AGAP1: variants seen among roughly 807,000 people sequenced by gnomAD.
AGAP1 encodes the protein ArfGAP with GTPase domain, ankyrin repeat and PH domain 1.
Under a neutral mutation model 105.3 loss-of-function variants are expected in AGAP1, and 29 were observed. That is an observed-to-expected ratio of 0.28 (90% CI 0.21 to 0.38). AGAP1 has a LOEUF of 0.38. Ranked by LOEUF, AGAP1 falls within the 10% of genes least tolerant of loss-of-function variation. The pLI, the probability that AGAP1 is intolerant of heterozygous loss-of-function variation, is 1.00. For synonymous variants in AGAP1, 509 were observed against 485.9 expected (o/e 1.05, Z -0.63); for missense variants, 998 against 1,165.1 (o/e 0.86, Z 2.09).
In AGAP1 at chr2:235,559,114, G is replaced by A. The variant is rs576006638; in HGVS notation, c.163+64265G>A. 9.9e-5 allele frequency among the ~76,000 whole-genome samples: 15 copies of A among 152,166 alleles called. No individual in the cohort carries two copies. The South Asian group carries it at 1.9e-3, about 19-fold the overall frequency. ...ATATTTTGTATTCGTGTGTGTGTAGGTGGGGTCTTGCCATGTTGCCCAGGC... is the reference window on the plus strand; with the variant it reads ...ATATTTTGTATTCGTGTGTGTGTAGATGGGGTCTTGCCATGTTGCCCAGGC... On this transcript the variant is annotated intron_variant, in intron 1 of 17. Transcript: ENST00000304032. This position sits in a 1 kb window ranked among gnomAD's most constrained non-coding sequence, Gnocchi z 5.7.
rs114114725 is a variant in AGAP1, at chr2:236,031,585, G to A, written c.1646-4976G>A. On this transcript the variant is annotated intron_variant, in intron 13 of 17. Transcript: ENST00000304032. ...TGCAAGGGCCCTCCCAATCATGTGT[G>A]AGACGCTGAATTCCCACCAGTCTCC... 4.5e-3 allele frequency among the ~76,000 whole-genome samples: 681 copies of A among 152,248 alleles called. 6 individuals carry two copies. Among genetic ancestry groups the A allele is most frequent in the African/African-American group, 0.015 (632 of 41,544 alleles).
chr2:235,711,728 T>G (rs1246794938), intron 2 of AGAP1, among the ~76,000 whole-genome samples: 1 of 152,012 alleles, frequency 6.6e-6, no homozygotes, highest in South Asian at 2.1e-4. Flanking sequence ...TGCTGAGGAG[T>G]GCTCAGGGAC....
intron 1 of AGAP1, among the ~76,000 whole-genome samples, chr2:235,497,630 T>C (rs1276452390): frequency 6.6e-6 from 1 of 152,250 alleles, no homozygotes; most frequent in Non-Finnish European, 1.5e-5. Context: ...GGAGTCTCGC[T>C]CTGTCGCCCA....
At chr2:235,589,738 C>A (rs1471159185) in intron 1 of AGAP1, among the ~76,000 whole-genome samples, 5 of 151,984 alleles carry the variant, frequency 3.3e-5, no homozygotes, top group Admixed American at 3.3e-4. Context: ...TTGGAGGAAG[C>A]AGTGGTCATT....
chr2:235,732,344 C>G lies in AGAP1; in HGVS notation c.311-8619C>G, dbSNP rs1194472405. 6.6e-6 allele frequency among the ~76,000 whole-genome samples: 1 copy of G among 152,162 alleles called. No individual in the cohort carries two copies. Among genetic ancestry groups the G allele is most frequent in the African/African-American group, 2.4e-5 (1 of 41,436 alleles). On this transcript the variant is annotated intron_variant, in intron 3 of 17. Transcript: ENST00000304032. This position sits in a 1 kb window ranked among gnomAD's most constrained non-coding sequence, Gnocchi z 4.8. ...AGCTTTCAGCCTTGTCTCTTCTGCT[C>G]CTTACTTTTTCTAATTTTATTCATC...
rs2149441103 is a variant in AGAP1 at position 235,691,136 on chromosome 2, C to T, written c.164-18043C>T. ...GAGGTGAGGCCAGCAAGGAGTCTGC[C>T]CCATGCGATTCTGAGGCCTTGGTCC... is the stretch of plus-strand genomic sequence containing the variant. On this transcript the variant is annotated intron_variant, in intron 1 of 17. Transcript: ENST00000304032. This position sits in a 1 kb window ranked among gnomAD's most constrained non-coding sequence, Gnocchi z 4.4. Among the ~76,000 whole-genome samples, 1 of 152,282 alleles carries T rather than the reference C, an allele frequency of 6.6e-6. No individual in the cohort carries two copies. The highest frequency in any genetic ancestry group is 2.1e-4 in the South Asian group (1 of 4,826).
At chr2:236,094,923 CAAAAAAAAAAAA>C (rs59126473) in intron 16 of AGAP1, among the ~76,000 whole-genome samples, 12 of 37,792 alleles carry the variant, frequency 3.2e-4, no homozygotes, top group African/African-American at 5.1e-4. Flanking sequence ...CCCATCTCTA[CAAAAAAAAAAAA>C]AAAAAAAAAA....
At chr2:235,613,222 CT>C (rs2149258119) in intron 1 of AGAP1, among the ~76,000 whole-genome samples, 1 of 152,172 alleles carries the variant, frequency 6.6e-6, no homozygotes, top group East Asian at 1.9e-4. Context: ...TCTTGAACTC[CT>C]GGCCTCAAGT....
intron 12 of AGAP1, among the ~76,000 whole-genome samples, chr2:235,945,911 T>C (rs1016273484): frequency 3.0e-5 from 1 of 33,028 alleles, no homozygotes; most frequent in South Asian, 1.2e-3. Context: ...GGGGGCGATA[T>C]GGGGGGACTT....
At chr2:236,021,573 C>T (rs1055764837) in intron 13 of AGAP1, among the ~76,000 whole-genome samples, 5 of 152,188 alleles carry the variant, frequency 3.3e-5, no homozygotes, top group Non-Finnish European at 1.5e-5. Context: ...AATCACCGCA[C>T]GTGCCTATCG....
rs546474612 is a variant in AGAP1, at chr2:235,664,972, G to A, written c.164-44207G>A. On this transcript the variant is annotated intron_variant, in intron 1 of 17. Coordinates refer to ENST00000304032, the MANE Select transcript of AGAP1 (RefSeq NM_001037131.3). This position sits in a 1 kb window ranked among gnomAD's most constrained non-coding sequence, Gnocchi z 5.7. Reference sequence around the variant, plus strand: ...ATGGTGGCTCACGCCTGTAATCCCAGCACTTTAGGAGGCCAAGATGGGAGA... The same window carrying A: ...ATGGTGGCTCACGCCTGTAATCCCAACACTTTAGGAGGCCAAGATGGGAGA... Among the ~76,000 whole-genome samples the A allele has an allele frequency of 9.8e-5, 15 of 152,302 alleles. No individual in the cohort carries two copies. Among genetic ancestry groups the A allele is most frequent in the South Asian group, 8.3e-4 (4 of 4,824 alleles).
chr2:235,768,273 A>T, intron 6 of AGAP1, among the ~76,000 whole-genome samples: 1 of 152,350 alleles, frequency 6.6e-6, no homozygotes. Context: ...TTCAATTTCT[A>T]TATTTGTAAA....
intron 16 of AGAP1, among the ~76,000 whole-genome samples, chr2:236,117,056 T>C (rs1472636939): frequency 6.6e-6 from 1 of 152,234 alleles, no homozygotes; most frequent in Admixed American, 6.5e-5. Flanking sequence ...ATTGTGCTGC[T>C]ATAAACGTGT....
rs769336107 is a variant in AGAP1 at position 235,979,526 on chromosome 2, C to T, written c.1645+10903C>T. ...GTAATCTTTGCTAATACCCTCCTGGCTTTCCACTCCACCCCTTTCTCATCT... is the reference window on the plus strand; with the variant it reads ...GTAATCTTTGCTAATACCCTCCTGGTTTTCCACTCCACCCCTTTCTCATCT... On this transcript the variant is annotated intron_variant, in intron 13 of 17. Transcript: ENST00000304032. This position sits in a 1 kb window ranked among gnomAD's most constrained non-coding sequence, Gnocchi z 4.5. Among the ~76,000 whole-genome samples the T allele has an allele frequency of 5.3e-5, 8 of 152,228 alleles. No individual in the cohort carries two copies. The highest frequency in any genetic ancestry group is 1.2e-4 in the Non-Finnish European group (8 of 68,046).
At chr2:235,943,778 A>G (rs2053370278) in intron 12 of AGAP1, among the ~76,000 whole-genome samples, 1 of 152,248 alleles carries the variant, frequency 6.6e-6, no homozygotes, top group Non-Finnish European at 1.5e-5. Flanking sequence ...AGAGACAGCC[A>G]GAGATGGGTG....
chr2:235,843,235 G>A lies in AGAP1; in HGVS notation c.1050+35904G>A, dbSNP rs757893759. On this transcript the variant is annotated intron_variant, in intron 9 of 17. Coordinates refer to ENST00000304032, the MANE Select transcript of AGAP1 (RefSeq NM_001037131.3). The surrounding 1 kb of genome is among the most constrained non-coding windows in gnomAD (Gnocchi z 5.9). ...CCCTCCTTCTTAGAGAGTGGTCTTCGGGAGGACCTGAGCTTCGGCTGCGGC... is the reference window on the plus strand; with the variant it reads ...CCCTCCTTCTTAGAGAGTGGTCTTCAGGAGGACCTGAGCTTCGGCTGCGGC... Among the ~76,000 whole-genome samples the A allele has an allele frequency of 5.3e-5, 8 of 151,948 alleles. No homozygotes were observed. The highest frequency in any genetic ancestry group is 4.2e-4 in the South Asian group (2 of 4,816).
chr2:235,507,720 C>A (rs1941885111), intron 1 of AGAP1, among the ~76,000 whole-genome samples: 1 of 152,182 alleles, frequency 6.6e-6, no homozygotes, highest in Admixed American at 6.5e-5. Flanking sequence ...AAAGCCTTGC[C>A]TGAATCCACC....
At position 235,689,033 on chromosome 2, in the gene AGAP1, T is replaced by C. The variant is rs970118541; in HGVS notation, c.164-20146T>C. 6.7e-6 allele frequency among the ~76,000 whole-genome samples: 1 copy of C among 149,388 alleles called. No individual in the cohort carries two copies. Among genetic ancestry groups the C allele is most frequent in the African/African-American group, 2.5e-5 (1 of 39,826 alleles). On this transcript the variant is annotated intron_variant, in intron 1 of 17. Coordinates refer to ENST00000304032, the MANE Select transcript of AGAP1 (RefSeq NM_001037131.3). The surrounding 1 kb of genome is among the most constrained non-coding windows in gnomAD (Gnocchi z 4.2). ...AGCAACAACCCTGTGCGGTAGATTATTGTCCCATAAATCTATAAGATTGAT... is the reference window on the plus strand; with the variant it reads ...AGCAACAACCCTGTGCGGTAGATTACTGTCCCATAAATCTATAAGATTGAT...
At chr2:236,108,813 T>C (rs1316638662) in intron 16 of AGAP1, among the ~76,000 whole-genome samples, 1 of 151,876 alleles carries the variant, frequency 6.6e-6, no homozygotes, top group Non-Finnish European at 1.5e-5. Context: ...CAGCGGCCCC[T>C]GTGAGGACTG....
Sources: allele counts gnomAD v4.1 joint callset (sites outside exome capture counted in the v4.1 genomes callset), GRCh38; gene constraint gnomAD v4.1.1; non-coding constraint Gnocchi (gnomAD v3.1); transcripts MANE v1.5; gene names NCBI Gene and HGNC (gene_info 2026-07-23, HGNC 2026-07-21).